The following RABGAP1L variants were observed in gnomAD, a reference collection of about 807,000 sequenced individuals.
The protein encoded by RABGAP1L is RAB GTPase activating protein 1 like, also known as rab GTPase-activating protein 1-like.
A neutral mutation model predicts 137.7 loss-of-function variants in RABGAP1L; 63 were observed. The observed-to-expected ratio is 0.46, with a 90% CI of 0.37 to 0.56. RABGAP1L has a LOEUF of 0.56. Among genes scored for constraint, RABGAP1L ranks in the 20% least tolerant of loss-of-function variants. The pLI is 0.00. For missense variants in RABGAP1L, 1,095 were observed against 1,244.0 expected, an observed-to-expected ratio of 0.88 and a Z score of 1.80; for synonymous variants, 431 against 433.7, an observed-to-expected ratio of 0.99 and a Z score of 0.08.
chr1:174,412,866 T>C (rs974115223), intron 13 of RABGAP1L, among the ~76,000 whole-genome samples: 1 of 152,170 alleles, frequency 6.6e-6, no homozygotes, highest in Non-Finnish European at 1.5e-5. Context: ...GTACATGATC[T>C]GACCTTTTTC....
At chr1:174,945,629 A>C (rs1666614735) in intron 19 of RABGAP1L, 1 of 152,158 alleles carries the variant, frequency 6.6e-6, no homozygotes, top group South Asian at 2.1e-4. Context: ...AAACCAATAG[A>C]AGGAATGGTT....
At chr1:174,584,810 C>G (rs1668996350) in intron 13 of RABGAP1L, among the ~76,000 whole-genome samples, 1 of 150,582 alleles carries the variant, frequency 6.6e-6, no homozygotes, top group Non-Finnish European at 1.5e-5. Context: ...TGTTTTTACT[C>G]CCCTACTCAA....
chr1:174,783,462 A>T (rs966826210), intron 18 of RABGAP1L, among the ~76,000 whole-genome samples: 1 of 152,150 alleles, frequency 6.6e-6, no homozygotes, highest in Non-Finnish European at 1.5e-5. Context: ...CGCCCGTAAC[A>T]GTATGAGGGA....
intron 13 of RABGAP1L, among the ~76,000 whole-genome samples, chr1:174,601,872 A>G (rs891480641): frequency 1.3e-5 from 2 of 152,134 alleles, no homozygotes; most frequent in Admixed American, 1.3e-4. Context: ...CAGGGACGAA[A>G]TGCCACCAGT....
chr1:174,799,988 A>T, intron 18 of RABGAP1L: 1 of 1,047,824 alleles, frequency 9.5e-7, no homozygotes, highest in South Asian at 3.5e-5. Context: ...ACTCTCACAC[A>T]TTCTCACATG....
At chr1:174,647,179 C>T (rs1270346195) in intron 14 of RABGAP1L, among the ~76,000 whole-genome samples, 3 of 152,038 alleles carry the variant, frequency 2.0e-5, no homozygotes, top group African/African-American at 7.3e-5. Context: ...TTCCTCTTTT[C>T]CTATTTGAAT....
At chr1:174,323,860 A>G (rs1183518179) in intron 11 of RABGAP1L, among the ~76,000 whole-genome samples, 3 of 152,148 alleles carry the variant, frequency 2.0e-5, no homozygotes, top group African/African-American at 7.2e-5. Flanking sequence ...AAATTACTCA[A>G]TGTTATTAAA....
At chr1:174,174,799 T>C (rs1665698995) in intron 1 of RABGAP1L, among the ~76,000 whole-genome samples, 1 of 152,190 alleles carries the variant, frequency 6.6e-6, no homozygotes, top group Admixed American at 6.5e-5. Flanking sequence ...TGTTTTATCT[T>C]ATCCCCCAGC....
In RABGAP1L at chr1:174,436,211, C is replaced by G. The variant is rs550530850; in HGVS notation, c.1710+42066C>G. 4.6e-3 allele frequency among the ~76,000 whole-genome samples: 699 copies of G among 152,260 alleles called. 1 individual carries two copies. The highest frequency in any genetic ancestry group is 7.8e-3 in the Admixed American group (119 of 15,282). On this transcript the variant is annotated intron_variant, in intron 13 of 25. Transcript: ENST00000681986. ...GGGTCAAATGGTATTTCTAGTTCTA[C>G]ATCCCTGAGGAATTGCCACACTGAC...
At chr1:174,221,569 C>T (rs1180587256) in intron 3 of RABGAP1L, among the ~76,000 whole-genome samples, 1 of 152,172 alleles carries the variant, frequency 6.6e-6, no homozygotes, top group South Asian at 2.1e-4. Flanking sequence ...TCAATTCCAA[C>T]AGTGTATTAA....
At chr1:174,799,230 C>G (rs957875621) in intron 18 of RABGAP1L, among the ~76,000 whole-genome samples, 3 of 152,180 alleles carry the variant, frequency 2.0e-5, no homozygotes, top group Non-Finnish European at 4.4e-5. Context: ...CCAGCCTTCC[C>G]AGAATCCTGA....
At chr1:174,272,695 AG>A (rs1218802620) in intron 8 of RABGAP1L, among the ~76,000 whole-genome samples, 4 of 152,038 alleles carry the variant, frequency 2.6e-5, no homozygotes, top group Non-Finnish European at 4.4e-5. Flanking sequence ...AACAAATAAA[AG>A]GATTGTGTTA....
chr1:174,896,090 C>G (rs1011679566), intron 19 of RABGAP1L, among the ~76,000 whole-genome samples: 3 of 152,214 alleles, frequency 2.0e-5, no homozygotes, highest in Non-Finnish European at 4.4e-5. Flanking sequence ...TTCTCCACAT[C>G]CTCTCTAGCA....
intron 14 of RABGAP1L, among the ~76,000 whole-genome samples, chr1:174,682,831 C>G (rs1036727407): frequency 1.3e-5 from 2 of 152,178 alleles, no homozygotes; most frequent in African/African-American, 4.8e-5. Flanking sequence ...TCCAGATGGC[C>G]TGGTTAGAAT....
chr1:174,886,600 T>A (rs1026364895), intron 19 of RABGAP1L, among the ~76,000 whole-genome samples: 2 of 152,242 alleles, frequency 1.3e-5, no homozygotes, highest in African/African-American at 2.4e-5. Context: ...CATTTGTTTT[T>A]ACTTAAAACT....
rs560328157 is a variant in RABGAP1L at position 174,195,076 on chromosome 1, G to A, written c.-33-24049G>A. ...TATTTTCAGGAAGAGTATATTATAT[G>A]AGTGATCTCTTTTCTGAGTTCTTGT... On this transcript the variant is annotated intron_variant, in intron 1 of 25. Coordinates refer to ENST00000681986, the MANE Select transcript of RABGAP1L (RefSeq NM_001366446.1). Among the ~76,000 whole-genome samples, 244 of 152,226 alleles carry A rather than the reference G, an allele frequency of 1.6e-3. 1 individual carries two copies. The highest frequency in any genetic ancestry group is 2.7e-3 in the Non-Finnish European group (184 of 68,020).
chr1:174,457,736 C>G (rs1421131235), intron 13 of RABGAP1L, among the ~76,000 whole-genome samples: 1 of 152,080 alleles, frequency 6.6e-6, no homozygotes, highest in African/African-American at 2.4e-5. Flanking sequence ...CTCCTGAACT[C>G]AAGTGATCCA....
chr1:174,918,555 G>A (rs1661253098), intron 19 of RABGAP1L, among the ~76,000 whole-genome samples: 1 of 152,180 alleles, frequency 6.6e-6, no homozygotes, highest in Non-Finnish European at 1.5e-5. Flanking sequence ...GGCCAAAGTA[G>A]GAGAATTGCT....
chr1:174,967,435 T>G (rs1315896709), intron 20 of RABGAP1L, among the ~76,000 whole-genome samples: 1 of 151,710 alleles, frequency 6.6e-6, no homozygotes, highest in African/African-American at 2.4e-5. Context: ...CCTTTCAGGT[T>G]CAAGCAATTC....
Sources: allele counts gnomAD v4.1 joint callset (sites outside exome capture counted in the v4.1 genomes callset), GRCh38; gene constraint gnomAD v4.1.1; transcripts MANE v1.5; gene names NCBI Gene and HGNC (gene_info 2026-07-23, HGNC 2026-07-21).